PTPRD: variants seen among roughly 807,000 people sequenced by gnomAD.
The protein encoded by PTPRD is protein tyrosine phosphatase receptor type D.
PTPRD carries 34 observed loss-of-function variants against 214.5 expected under a neutral mutation model. The observed-to-expected ratio is 0.16, with a 90% CI of 0.12 to 0.21. The LOEUF (loss-of-function observed/expected upper bound fraction) is 0.21, where lower values mean the gene tolerates loss of function less well. Ranked by LOEUF, PTPRD falls within the 10% of genes least tolerant of loss-of-function variation. The pLI is 1.00. For synonymous variants in PTPRD, 1,128 were observed against 845.7 expected (o/e 1.33, Z -5.79); for missense variants, 2,545 against 2,398.7 (o/e 1.06, Z -1.27).
In PTPRD at chr9:9,371,158, C is replaced by G. The variant is rs557850392; in HGVS notation, c.-203+26291G>C. Among the ~76,000 whole-genome samples, 148 of 152,170 alleles carry G rather than the reference C, an allele frequency of 9.7e-4. 1 individual carries two copies. Among genetic ancestry groups the G allele is most frequent in the Middle Eastern group, 3.4e-3 (1 of 294 alleles). On this transcript the variant is annotated intron_variant, in intron 9 of 45. Coordinates refer to ENST00000381196, the MANE Select transcript of PTPRD (RefSeq NM_002839.4). The stretch of plus-strand genomic sequence containing the variant: ...GAGTTAGGGAGGATTCCCTCTTTTT[C>G]CATTAATTGTAATAGTTTCAGAAGG...
At chr9:9,078,206 G>A (rs1047432283) in intron 10 of PTPRD, among the ~76,000 whole-genome samples, 4 of 151,978 alleles carry the variant, frequency 2.6e-5, no homozygotes, top group African/African-American at 7.2e-5. Context: ...TTATGTAAAC[G>A]TCATTAATTA....
chr9:8,602,198 T>A (rs2094908348), intron 14 of PTPRD, among the ~76,000 whole-genome samples: 1 of 152,222 alleles, frequency 6.6e-6, no homozygotes, highest in Non-Finnish European at 1.5e-5. Flanking sequence ...ATTCTATCTT[T>A]CACCTGAGCC....
At chr9:9,888,193 A>G (rs921623996) in intron 5 of PTPRD, among the ~76,000 whole-genome samples, 29 of 152,144 alleles carry the variant, frequency 1.9e-4, no homozygotes, top group African/African-American at 4.8e-4. Flanking sequence ...GTGAAACACA[A>G]TTCTGAGATG....
chr9:9,719,610 C>T (rs538969240), intron 7 of PTPRD, among the ~76,000 whole-genome samples: 29 of 152,256 alleles, frequency 1.9e-4, no homozygotes, highest in African/African-American at 7.0e-4. Context: ...AGAGTTGTAA[C>T]ACAAACGGTC....
intron 3 of PTPRD, among the ~76,000 whole-genome samples, chr9:10,129,453 ATC>A (rs1283399198): frequency 6.7e-6 from 1 of 150,158 alleles, no homozygotes; most frequent in Non-Finnish European, 1.5e-5. Context: ...CACTCTCTGG[ATC>A]TCAAATTGCT....
At chr9:9,850,521 G>T (rs1240318248) in intron 5 of PTPRD, among the ~76,000 whole-genome samples, 1 of 151,910 alleles carries the variant, frequency 6.6e-6, no homozygotes, top group African/African-American at 2.4e-5. Flanking sequence ...TAAATGGAAG[G>T]GGAAGAGAAT....
chr9:10,302,584 T>A (rs1281126355), intron 3 of PTPRD, among the ~76,000 whole-genome samples: 1 of 151,806 alleles, frequency 6.6e-6, no homozygotes, highest in Non-Finnish European at 1.5e-5. Flanking sequence ...ACCAAGCAAA[T>A]AGAAAGCAAA....
chr9:8,726,661 T>G (rs1438368042), intron 12 of PTPRD, among the ~76,000 whole-genome samples: 40 of 111,096 alleles, frequency 3.6e-4, no homozygotes, highest in South Asian at 6.7e-4. Context: ...GACAGCCAGG[T>G]GTGGTGGTGG....
At chr9:8,780,293 T>C (rs16928439) in intron 11 of PTPRD, among the ~76,000 whole-genome samples, 5,713 of 152,274 alleles carry the variant, frequency 0.038, 181 homozygotes, top group African/African-American at 0.081. Flanking sequence ...TAGGAACTCT[T>C]ACCAATCCAT....
At chr9:8,976,281 T>C (rs1006135158) in intron 11 of PTPRD, among the ~76,000 whole-genome samples, 3 of 152,090 alleles carry the variant, frequency 2.0e-5, no homozygotes, top group Non-Finnish European at 4.4e-5. Context: ...TACAGTGTTT[T>C]GCACATAGTT....
At chr9:9,057,680 T>A (rs528482453) in intron 10 of PTPRD, among the ~76,000 whole-genome samples, 1 of 152,204 alleles carries the variant, frequency 6.6e-6, no homozygotes, top group Non-Finnish European at 1.5e-5. Context: ...TCAAGTAATA[T>A]GAGAAAGGTG....
chr9:10,186,247 C>T (rs993586104), intron 3 of PTPRD, among the ~76,000 whole-genome samples: 1 of 151,922 alleles, frequency 6.6e-6, no homozygotes, highest in Admixed American at 6.6e-5. Context: ...CACAGTTGAC[C>T]TATATGCAAC....
chr9:8,348,613 A>G (rs571628772), intron 39 of PTPRD, among the ~76,000 whole-genome samples: 123 of 152,258 alleles, frequency 8.1e-4, no homozygotes, highest in African/African-American at 2.8e-3. Flanking sequence ...AATTTCATCT[A>G]GATATGCTTT....
chr9:9,584,738 T>C (rs528295541), intron 7 of PTPRD, among the ~76,000 whole-genome samples: 1 of 152,102 alleles, frequency 6.6e-6, no homozygotes. Context: ...GCACCCTTTA[T>C]GCTTTTTCTA....
At chr9:9,686,948 A>G (rs192635134) in intron 7 of PTPRD, among the ~76,000 whole-genome samples, 93 of 151,858 alleles carry the variant, frequency 6.1e-4, no homozygotes, top group African/African-American at 2.1e-3. Context: ...ACAAAAATGT[A>G]TAAGACATTG....
intron 14 of PTPRD, among the ~76,000 whole-genome samples, chr9:8,534,057 T>G (rs2076337891): frequency 6.6e-6 from 1 of 152,056 alleles, no homozygotes; most frequent in South Asian, 2.1e-4. Flanking sequence ...TTTGTGACTT[T>G]ATTTTCACAA....
At chr9:8,991,860 C>G (rs138628604) in intron 11 of PTPRD, among the ~76,000 whole-genome samples, 297 of 152,060 alleles carry the variant, frequency 2.0e-3, no homozygotes, top group Middle Eastern at 3.4e-3. Context: ...CCCTCAATGC[C>G]TAATTTGTTA....
intron 9 of PTPRD, among the ~76,000 whole-genome samples, chr9:9,253,253 A>G (rs1273538342): frequency 6.6e-6 from 1 of 152,048 alleles, no homozygotes; most frequent in South Asian, 2.1e-4. Context: ...TTGGCTAAAA[A>G]TCTAAAGTAT....
chr9:10,517,917 A>G (rs1397815209), intron 2 of PTPRD, among the ~76,000 whole-genome samples: 1 of 152,196 alleles, frequency 6.6e-6, no homozygotes, highest in Non-Finnish European at 1.5e-5. Flanking sequence ...ATGCTGAAAG[A>G]TCCACTGGTT....
Sources: allele counts gnomAD v4.1 joint callset (sites outside exome capture counted in the v4.1 genomes callset), GRCh38; gene constraint gnomAD v4.1.1; transcripts MANE v1.5; gene names NCBI Gene and HGNC (gene_info 2026-07-23, HGNC 2026-07-21).